Variants in EFNA5 observed in about 807,000 individuals in gnomAD.
EFNA5 encodes ephrin A5, also known as ephrin-A5.
In EFNA5, 5 loss-of-function variants were observed where a neutral mutation model predicts 22.9. The observed-to-expected ratio is 0.22, with a 90% CI of 0.11 to 0.46. The LOEUF is 0.46. Ranked by LOEUF, EFNA5 falls within the 20% of genes least tolerant of loss-of-function variation. The pLI is 0.99. For synonymous variants in EFNA5, 113 were observed against 112.2 expected (o/e 1.01, Z -0.04); for missense variants, 237 against 293.3 (o/e 0.81, Z 1.40).
At position 107,538,465 on chromosome 5, in the gene EFNA5, C is replaced by A. The variant is rs1446930578; in HGVS notation, c.126-110956G>T. Among the ~76,000 whole-genome samples the A allele has an allele frequency of 1.3e-4, 20 of 152,134 alleles. 1 individual carries two copies. Among genetic ancestry groups the A allele is most frequent in the Admixed American group, 1.2e-3 (19 of 15,272 alleles). On this transcript the variant is annotated intron_variant, in intron 1 of 4. Coordinates refer to ENST00000333274, the MANE Select transcript of EFNA5 (RefSeq NM_001962.3). ...AATTTAGATGCCCAAATTGAATATTCCATTACTGAGGAACATAAGAATGGT... is the reference window on the plus strand; with the variant it reads ...AATTTAGATGCCCAAATTGAATATTACATTACTGAGGAACATAAGAATGGT...
chr5:107,451,092 CTA>C (rs1749548287), intron 1 of EFNA5, among the ~76,000 whole-genome samples: 1 of 152,232 alleles, frequency 6.6e-6, no homozygotes, highest in African/African-American at 2.4e-5. Flanking sequence ...GTTTATTAGA[CTA>C]TTAAAAGTTT....
At chr5:107,381,406 G>A (rs1747455227) in intron 4 of EFNA5, 30 bp from the exon 5 acceptor site, 2 of 1,586,634 alleles carry the variant, frequency 1.3e-6, no homozygotes, top group Non-Finnish European at 8.6e-7. Flanking sequence ...ACATTCCAAT[G>A]AGATTTCACA....
intron 1 of EFNA5, among the ~76,000 whole-genome samples, chr5:107,434,327 C>T (rs1580449205): frequency 6.6e-6 from 1 of 152,144 alleles, no homozygotes; most frequent in Non-Finnish European, 1.5e-5. Flanking sequence ...CTCCTGGACC[C>T]CACACTCCTG....
At chr5:107,550,468 A>G (rs1748269844) in intron 1 of EFNA5, among the ~76,000 whole-genome samples, 1 of 152,194 alleles carries the variant, frequency 6.6e-6, no homozygotes, top group South Asian at 2.1e-4. Flanking sequence ...CACCTACATC[A>G]CAGGCAAATT....
rs552400559 is a variant in EFNA5 at position 107,556,063 on chromosome 5, T to C, written c.125+114426A>G. Among the ~76,000 whole-genome samples the C allele has an allele frequency of 1.4e-4, 22 of 152,352 alleles. No homozygotes were observed. In the South Asian group the frequency reaches 4.3e-3, roughly 30 times the overall value. ...AAAATATACCCATTCTGAGCCCTTA[T>C]ACTACTTACCGTCTATTTGGTCAGT... is the stretch of plus-strand genomic sequence containing the variant. On this transcript the variant is annotated intron_variant, in intron 1 of 4. Coordinates refer to ENST00000333274, the MANE Select transcript of EFNA5 (RefSeq NM_001962.3).
chr5:107,414,335 G>A (rs73777841), intron 2 of EFNA5, among the ~76,000 whole-genome samples: 2,385 of 152,046 alleles, frequency 0.016, 66 homozygotes, highest in African/African-American at 0.055. Flanking sequence ...TGAAATAGTC[G>A]TCTCTCTCTC....
At chr5:107,539,132 C>A (rs571260431) in intron 1 of EFNA5, among the ~76,000 whole-genome samples, 87 of 152,366 alleles carry the variant, frequency 5.7e-4, no homozygotes, top group African/African-American at 2.0e-3. Context: ...ACACTGGGTT[C>A]TTTGAATGTG....
intron 2 of EFNA5, among the ~76,000 whole-genome samples, chr5:107,425,530 C>G (rs762503594): frequency 1.2e-4 from 18 of 152,168 alleles, no homozygotes; most frequent in Non-Finnish European, 2.1e-4. Flanking sequence ...CAATAAAAGT[C>G]AAGAACATGC....
intron 1 of EFNA5, among the ~76,000 whole-genome samples, chr5:107,540,844 G>A (rs1333718059): frequency 1.3e-5 from 2 of 152,196 alleles, no homozygotes; most frequent in Non-Finnish European, 2.9e-5. Flanking sequence ...AAGGCTGGGT[G>A]CAGTGGCCCA....
In EFNA5 at chr5:107,427,317, G is replaced by A. The variant is rs779367666; in HGVS notation, c.318C>T (p.His106=). The change falls in exon 2 of 5, where the codon CAC becomes CAT. Residue 106 remains histidine (H), a synonymous_variant. Transcript: ENST00000333274. Reference sequence around the variant, plus strand: ...AGAACTTCAGCGGTCCATTTGGAGAGTGAGGCCGGTTACATTCCCATCTCT... The same window carrying A: ...AGAACTTCAGCGGTCCATTTGGAGAATGAGGCCGGTTACATTCCCATCTCT... The part of the protein sequence containing the change: ...GFKRWECNRP[H]SPNGPLKFSE... 6.2e-7 allele frequency: 1 copy of A among 1,614,164 alleles called. No homozygotes were observed. The highest frequency in any genetic ancestry group is 1.7e-5 in the Admixed American group (1 of 60,022).
At chr5:107,494,540 G>A (rs1198810310) in intron 1 of EFNA5, among the ~76,000 whole-genome samples, 2 of 152,218 alleles carry the variant, frequency 1.3e-5, no homozygotes, top group Non-Finnish European at 2.9e-5. Context: ...TCTGCTCCAT[G>A]GCACCCAGTC....
chr5:107,588,138 T>A (rs1346187988), intron 1 of EFNA5, among the ~76,000 whole-genome samples: 1 of 152,168 alleles, frequency 6.6e-6, no homozygotes, highest in East Asian at 1.9e-4. Flanking sequence ...AAGAAGTTAA[T>A]CAAACCAACC....
chr5:107,596,243 T>C (rs1469243303), intron 1 of EFNA5, among the ~76,000 whole-genome samples: 1 of 152,208 alleles, frequency 6.6e-6, no homozygotes, highest in Admixed American at 6.5e-5. Flanking sequence ...AACATTTTCA[T>C]CAGCCAAAAC....
intron 1 of EFNA5, among the ~76,000 whole-genome samples, chr5:107,584,261 C>T (rs909747720): frequency 6.6e-6 from 1 of 152,128 alleles, no homozygotes; most frequent in Admixed American, 6.6e-5. Context: ...TTCTCTGAGG[C>T]AACATCAAAC....
chr5:107,541,627 G>GCA (rs1748049858), intron 1 of EFNA5, among the ~76,000 whole-genome samples: 1 of 152,194 alleles, frequency 6.6e-6, no homozygotes, highest in South Asian at 2.1e-4. Context: ...TTCTGTGTAT[G>GCA]CACACACACA....
chr5:107,436,504 T>A (rs1325220441), intron 1 of EFNA5, among the ~76,000 whole-genome samples: 4 of 152,102 alleles, frequency 2.6e-5, no homozygotes, highest in Non-Finnish European at 5.9e-5. Flanking sequence ...AAAGAAATAG[T>A]TAATGTCTGG....
At chr5:107,401,516 T>C (rs566318927) in intron 2 of EFNA5, among the ~76,000 whole-genome samples, 4 of 152,316 alleles carry the variant, frequency 2.6e-5, no homozygotes, top group African/African-American at 9.6e-5. Context: ...GAACAGCCTC[T>C]CCCCTGTGAT....
Position 107,631,919 on chromosome 5 carries a change from G to C in EFNA5, c.125+38570C>G, listed in dbSNP as rs528165249. Among the ~76,000 whole-genome samples, 26 of 152,282 alleles carry C rather than the reference G, an allele frequency of 1.7e-4. No homozygotes were observed. In the East Asian group the frequency reaches 1.7e-3, roughly 10 times the overall value. On this transcript the variant is annotated intron_variant, in intron 1 of 4. Coordinates refer to ENST00000333274, the MANE Select transcript of EFNA5 (RefSeq NM_001962.3). The stretch of plus-strand genomic sequence containing the variant: ...GCATCACAGGATGGTTGCTGGTTTA[G>C]AAAGGAAGCAAGTAGGCCAGCCACC...
intron 1 of EFNA5, among the ~76,000 whole-genome samples, chr5:107,622,216 G>C (rs1207859258): frequency 6.6e-6 from 1 of 152,072 alleles, no homozygotes; most frequent in Non-Finnish European, 1.5e-5. Context: ...TGGAGCCCAA[G>C]CAGCCATTGT....
Sources: allele counts gnomAD v4.1 joint callset (sites outside exome capture counted in the v4.1 genomes callset), GRCh38; gene constraint gnomAD v4.1.1; transcripts MANE v1.5; gene names NCBI Gene and HGNC (gene_info 2026-07-23, HGNC 2026-07-21).